AUTS2: variants seen among roughly 807,000 people sequenced by gnomAD.
The protein encoded by AUTS2 is autism susceptibility gene 2 protein.
AUTS2 carries 17 observed loss-of-function variants against 112.4 expected under a neutral mutation model. The observed-to-expected ratio is 0.15, with a 90% confidence interval of 0.10 to 0.23. The LOEUF (loss-of-function observed/expected upper bound fraction) is 0.23, where lower values mean the gene tolerates loss of function less well. AUTS2 is among the 10% of genes least tolerant of loss of function. The pLI is 1.00. For missense variants in AUTS2, 1,510 were observed against 1,701.6 expected, an observed-to-expected ratio of 0.89 and a Z score of 1.98; for synonymous variants, 751 against 702.7, an observed-to-expected ratio of 1.07 and a Z score of -1.09.
At chr7:70,361,071 C>T (rs770377676) in intron 4 of AUTS2, among the ~76,000 whole-genome samples, 4 of 152,124 alleles carry the variant, frequency 2.6e-5, no homozygotes, top group Non-Finnish European at 4.4e-5. Flanking sequence ...CTTGGCCAGG[C>T]GCGGTGGCTC....
intron 1 of AUTS2, among the ~76,000 whole-genome samples, chr7:69,783,721 C>T (rs961095407): frequency 5.9e-5 from 9 of 152,168 alleles, no homozygotes; most frequent in Admixed American, 3.3e-4. Flanking sequence ...GTAACATTTA[C>T]TGCCTTTCTG....
intron 4 of AUTS2, among the ~76,000 whole-genome samples, chr7:70,303,027 C>T (rs1438912270): frequency 6.6e-6 from 1 of 151,480 alleles, no homozygotes; most frequent in African/African-American, 2.4e-5. Context: ...TGTGGCTGTG[C>T]AGAAGAGTTT....
chr7:70,399,880 C>T (rs1310852961), intron 4 of AUTS2, among the ~76,000 whole-genome samples: 1 of 152,138 alleles, frequency 6.6e-6, no homozygotes, highest in East Asian at 1.9e-4. Context: ...GCCAACTAGA[C>T]TCAGATTTAG....
At chr7:70,678,268 T>C (rs2129544882) in intron 5 of AUTS2, among the ~76,000 whole-genome samples, 1 of 152,280 alleles carries the variant, frequency 6.6e-6, no homozygotes, top group East Asian at 1.9e-4. Context: ...CTCTTACTTA[T>C]ACTGTAAAGA....
At chr7:69,801,164 T>C (rs1199239182) in intron 1 of AUTS2, among the ~76,000 whole-genome samples, 1 of 151,270 alleles carries the variant, frequency 6.6e-6, no homozygotes, top group Non-Finnish European at 1.5e-5. Flanking sequence ...AATAAACATT[T>C]TTTGACTGAA....
chr7:70,637,048 A>T (rs1335499782), intron 5 of AUTS2, among the ~76,000 whole-genome samples: 3 of 152,154 alleles, frequency 2.0e-5, no homozygotes, highest in Admixed American at 2.0e-4. Context: ...GTGTTATGTC[A>T]GGTAGGTTGT....
At chr7:70,602,836 C>T (rs1803545984) in intron 5 of AUTS2, among the ~76,000 whole-genome samples, 1 of 152,154 alleles carries the variant, frequency 6.6e-6, no homozygotes, top group African/African-American at 2.4e-5. Context: ...GTCTGTTCGC[C>T]CTGAGTTCTC....
chr7:70,059,679 A>G (rs1229763950), intron 2 of AUTS2, among the ~76,000 whole-genome samples: 2 of 152,138 alleles, frequency 1.3e-5, no homozygotes, highest in Non-Finnish European at 2.9e-5. Flanking sequence ...CTGGCACAGT[A>G]TGTGATTTTC....
At position 69,904,785 on chromosome 7, in the gene AUTS2, G is replaced by A. The variant is rs542142702; in HGVS notation, c.522+5287G>A. ...TTTTTCCTTTTTATGAATTTAAGTT[G>A]CATACTACTTTTTCCCCTTGCCTAA... On this transcript the variant is annotated intron_variant, in intron 2 of 18. Coordinates refer to ENST00000342771, the MANE Select transcript of AUTS2 (RefSeq NM_015570.4). Among the ~76,000 whole-genome samples, 82 of 152,222 alleles carry A rather than the reference G, an allele frequency of 5.4e-4. 1 individual carries two copies. The South Asian group carries it at 6.6e-3, about 12-fold the overall frequency.
At chr7:69,849,929 T>G (rs1446365933) in intron 1 of AUTS2, among the ~76,000 whole-genome samples, 1 of 152,182 alleles carries the variant, frequency 6.6e-6, no homozygotes, top group African/African-American at 2.4e-5. Context: ...TGTGTGGAAG[T>G]AAATTTTCAT....
chr7:69,744,202 G>A (rs536879316), intron 1 of AUTS2, among the ~76,000 whole-genome samples: 4 of 152,292 alleles, frequency 2.6e-5, no homozygotes, highest in South Asian at 4.1e-4. Context: ...GTGTTTAGCC[G>A]TTCTGCTGGC....
rs758371269 is a variant in AUTS2, at chr7:69,599,923, A to G, written c.270A>G (p.Gly90=). The G allele has an allele frequency of 6.2e-7, 1 of 1,613,502 alleles. No homozygotes were observed. Among genetic ancestry groups the G allele is most frequent in the South Asian group, 1.1e-5 (1 of 91,074 alleles). ...CGGCAGAAGAGGACATCATTGATGGATTTGCCATGACCAGCTTTGTCACTT... is the reference window on the plus strand; with the variant it reads ...CGGCAGAAGAGGACATCATTGATGGGTTTGCCATGACCAGCTTTGTCACTT... ...STSAEEDIID[G]FAMTSFVTFE... is the part of the protein sequence containing the mutation. Residue 90 remains glycine, a synonymous_variant, in exon 1 of 19, where the codon GGA becomes GGG. Coordinates refer to ENST00000342771, the MANE Select transcript of AUTS2 (RefSeq NM_015570.4). The surrounding 1 kb of genome is among the most constrained non-coding windows in gnomAD (Gnocchi z 7.0).
intron 2 of AUTS2, among the ~76,000 whole-genome samples, chr7:69,937,589 G>A (rs932086513): frequency 6.6e-6 from 1 of 152,120 alleles, no homozygotes; most frequent in African/African-American, 2.4e-5. Context: ...TTTGTCTCTG[G>A]GGGTATGTGA....
At chr7:70,387,426 G>T (rs1280181748) in intron 4 of AUTS2, among the ~76,000 whole-genome samples, 2 of 152,156 alleles carry the variant, frequency 1.3e-5, no homozygotes, top group Admixed American at 1.3e-4. Context: ...TTTGGCTCCA[G>T]TGTTTAGTGC....
chr7:69,782,318 G>A (rs1224982251), intron 1 of AUTS2, among the ~76,000 whole-genome samples: 2 of 151,766 alleles, frequency 1.3e-5, no homozygotes, highest in Non-Finnish European at 2.9e-5. Context: ...AGCTGTGATG[G>A]TATTACTGCA....
rs567165286 is a variant in AUTS2 at position 70,446,227 on chromosome 7, C to T, written c.690+10446C>T. Among the ~76,000 whole-genome samples, 6 of 152,312 alleles carry T rather than the reference C, an allele frequency of 3.9e-5. No homozygotes were observed. In the East Asian group the frequency reaches 1.2e-3, roughly 29 times the overall value. ...ACAGCAAATGCTGCGTGGGCTGTTC[C>T]TGCAGCCCAAATGATAGTAAATACC... On this transcript the variant is annotated intron_variant, in intron 5 of 18. Coordinates refer to ENST00000342771, the MANE Select transcript of AUTS2 (RefSeq NM_015570.4).
At chr7:69,931,700 A>T (rs1205672436) in intron 2 of AUTS2, among the ~76,000 whole-genome samples, 2 of 152,062 alleles carry the variant, frequency 1.3e-5, no homozygotes, top group Non-Finnish European at 2.9e-5. Context: ...ACCTTCTCTG[A>T]TCCTGCCTCC....
intron 2 of AUTS2, among the ~76,000 whole-genome samples, chr7:69,982,101 A>T (rs903961194): frequency 1.2e-4 from 18 of 152,246 alleles, no homozygotes; most frequent in African/African-American, 4.3e-4. Context: ...GTATTAAATC[A>T]GTCAACAAAT....
chr7:70,470,275 C>T (rs763567190), intron 5 of AUTS2, among the ~76,000 whole-genome samples: 2 of 152,206 alleles, frequency 1.3e-5, no homozygotes, highest in Non-Finnish European at 2.9e-5. Flanking sequence ...TGGCCACTGC[C>T]AGCCCCAACC....
Sources: gnomAD v4.1 joint callset for allele counts (sites outside exome capture counted in the v4.1 genomes callset) on GRCh38, gnomAD v4.1.1 for gene constraint, Gnocchi (gnomAD v3.1) non-coding constraint, MANE v1.5 for transcripts, NCBI Gene and HGNC (gene_info 2026-07-23, HGNC 2026-07-21) for gene names.